Variants in DGKI observed in about 807,000 individuals in gnomAD.
DGKI encodes the protein diacylglycerol kinase iota, also known as DAG kinase iota.
DGKI carries 55 observed loss-of-function variants against 147.5 expected under a neutral mutation model. The ratio of observed to expected loss-of-function variants is 0.37; its 90% CI spans 0.30 to 0.47. The LOEUF is 0.47. DGKI is among the 20% of genes least tolerant of loss of function. The pLI, the probability that DGKI is intolerant of heterozygous loss-of-function variation, is 1.00. For missense variants in DGKI, 1,007 were observed against 1,323.8 expected, an observed-to-expected ratio of 0.76 and a Z score of 3.71; for synonymous variants, 469 against 477.1, an observed-to-expected ratio of 0.98 and a Z score of 0.22.
At chr7:137,475,042 T>G (rs141130555) in intron 23 of DGKI, among the ~76,000 whole-genome samples, 1 of 152,306 alleles carries the variant, frequency 6.6e-6, no homozygotes, top group East Asian at 1.9e-4. Context: ...GATAATTATA[T>G]CTCATGTTAG....
chr7:137,720,105 C>G (rs1410954887), intron 1 of DGKI, among the ~76,000 whole-genome samples: 1 of 152,170 alleles, frequency 6.6e-6, no homozygotes, highest in Non-Finnish European at 1.5e-5. Context: ...CCCTGGTGAA[C>G]ACAGCAGATC....
intron 1 of DGKI, among the ~76,000 whole-genome samples, chr7:137,766,400 GAC>G (rs1023551589): frequency 5.3e-5 from 8 of 152,112 alleles, no homozygotes; most frequent in Non-Finnish European, 8.8e-5. Flanking sequence ...GTTCCACAAG[GAC>G]ACAGAGAAAT....
At position 137,727,289 on chromosome 7, in the gene DGKI, T is replaced by A. The variant is rs538623998; in HGVS notation, c.402-37287A>T. On this transcript the variant is annotated intron_variant, in intron 1 of 32. Transcript: ENST00000614521. ...AGGAGAAAAGCAGATGTTCAATAAG[T>A]AAATATTTCATCTTATTTTCATTTC... 1.3e-5 allele frequency among the ~76,000 whole-genome samples: 2 copies of A among 152,226 alleles called. 1 individual carries two copies. The highest frequency in any genetic ancestry group is 3.9e-4 in the East Asian group (2 of 5,180).
chr7:137,602,031 C>A (rs908708445), intron 10 of DGKI, among the ~76,000 whole-genome samples: 20 of 152,272 alleles, frequency 1.3e-4, no homozygotes, highest in Admixed American at 3.9e-4. Context: ...TCCCTCTTCT[C>A]ACGCTGAGCC....
intron 28 of DGKI, among the ~76,000 whole-genome samples, chr7:137,414,629 A>C (rs1252999278): frequency 6.6e-6 from 1 of 151,736 alleles, no homozygotes; most frequent in Non-Finnish European, 1.5e-5. Flanking sequence ...AATTCTCTGG[A>C]GGTATAGAGG....
intron 28 of DGKI, among the ~76,000 whole-genome samples, chr7:137,437,514 G>T (rs1176763331): frequency 2.0e-5 from 3 of 152,106 alleles, no homozygotes; most frequent in Non-Finnish European, 4.4e-5. Flanking sequence ...CCAATTAAAT[G>T]TCAAGAGATG....
At chr7:137,814,048 C>T (rs1261375964) in intron 1 of DGKI, among the ~76,000 whole-genome samples, 2 of 152,172 alleles carry the variant, frequency 1.3e-5, no homozygotes, top group East Asian at 3.9e-4. Context: ...AGCTTTACTG[C>T]CTCTATCGAT....
At chr7:137,475,526 C>G (rs1815140215) in intron 23 of DGKI, among the ~76,000 whole-genome samples, 1 of 152,212 alleles carries the variant, frequency 6.6e-6, no homozygotes, top group South Asian at 2.1e-4. Flanking sequence ...ATTAACGTGT[C>G]ACTTGCTAAT....
chr7:137,520,454 G>C (rs767367700), intron 21 of DGKI, among the ~76,000 whole-genome samples: 8 of 151,966 alleles, frequency 5.3e-5, no homozygotes, highest in Non-Finnish European at 1.2e-4. Context: ...CTAGTCTGTC[G>C]CTTATAAGTT....
At chr7:137,542,432 A>T (rs1285809302) in intron 20 of DGKI, among the ~76,000 whole-genome samples, 1 of 152,230 alleles carries the variant, frequency 6.6e-6, no homozygotes. Context: ...GCTGGGCAAT[A>T]AAAAGGAACA....
At chr7:137,812,042 T>C (rs1370074967) in intron 1 of DGKI, among the ~76,000 whole-genome samples, 1 of 152,190 alleles carries the variant, frequency 6.6e-6, no homozygotes, top group African/African-American at 2.4e-5. Flanking sequence ...TTCTGAACTT[T>C]GGGGAAGTTG....
chr7:137,724,826 T>C (rs1286246515), intron 1 of DGKI, among the ~76,000 whole-genome samples: 2 of 152,150 alleles, frequency 1.3e-5, no homozygotes, highest in South Asian at 2.1e-4. Context: ...ATCTGCAGCA[T>C]ATAAATGGTA....
At chr7:137,795,093 T>A (rs1563201122) in intron 1 of DGKI, among the ~76,000 whole-genome samples, 1 of 152,158 alleles carries the variant, frequency 6.6e-6, no homozygotes, top group Non-Finnish European at 1.5e-5. Flanking sequence ...TCCCTGAAAG[T>A]ATGAGAGCAG....
At chr7:137,666,232 G>GGC (rs1822634935) in intron 3 of DGKI, among the ~76,000 whole-genome samples, 1 of 152,200 alleles carries the variant, frequency 6.6e-6, no homozygotes, top group African/African-American at 2.4e-5. Flanking sequence ...GAAAGTGATA[G>GGC]GCACAAAGTT....
intron 1 of DGKI, among the ~76,000 whole-genome samples, chr7:137,718,399 G>T (rs1242930568): frequency 1.3e-5 from 2 of 152,196 alleles, no homozygotes; most frequent in African/African-American, 2.4e-5. Flanking sequence ...CCTGCCAGGG[G>T]TGTAATGGGC....
At position 137,821,294 on chromosome 7, in the gene DGKI, C is replaced by T. The variant is rs556355632; in HGVS notation, c.401+25168G>A. ...AGGTAAATGATGAGCTGAATGAATG[C>T]GACTTAATTGCTGCAGAATGCCACT... On this transcript the variant is annotated intron_variant, in intron 1 of 32. Coordinates refer to ENST00000614521, the MANE Select transcript of DGKI (RefSeq NM_001321708.2). Among the ~76,000 whole-genome samples, 17 of 151,888 alleles carry T rather than the reference C, an allele frequency of 1.1e-4. 1 individual carries two copies. The South Asian group carries it at 2.7e-3, about 24-fold the overall frequency.
intron 5 of DGKI, among the ~76,000 whole-genome samples, chr7:137,647,051 T>G (rs897579638): frequency 2.6e-5 from 4 of 152,230 alleles, no homozygotes; most frequent in African/African-American, 7.2e-5. Context: ...TCACTTTTCC[T>G]ACTACCACAG....
intron 22 of DGKI, among the ~76,000 whole-genome samples, chr7:137,486,519 G>A (rs777442905): frequency 2.6e-5 from 4 of 152,030 alleles, no homozygotes; most frequent in Non-Finnish European, 4.4e-5. Context: ...AAAAATTCAC[G>A]TATTTTAACT....
intron 19 of DGKI, among the ~76,000 whole-genome samples, chr7:137,570,044 G>C (rs1818741065): frequency 6.6e-6 from 1 of 152,098 alleles, no homozygotes; most frequent in South Asian, 2.1e-4. Context: ...ATTTGAGGTA[G>C]AGTTATTTGG....
Sources: gnomAD v4.1 joint callset for allele counts (sites outside exome capture counted in the v4.1 genomes callset) on GRCh38, gnomAD v4.1.1 for gene constraint, MANE v1.5 for transcripts, NCBI Gene and HGNC (gene_info 2026-07-23, HGNC 2026-07-21) for gene names.